Variants in PRKCH observed in about 807,000 individuals in gnomAD.
The protein encoded by PRKCH is protein kinase C eta, also known as protein kinase C eta type.
A neutral mutation model predicts 82.5 loss-of-function variants in PRKCH; 28 were observed. That is an observed-to-expected ratio of 0.34 (90% CI 0.25 to 0.47). The LOEUF (loss-of-function observed/expected upper bound fraction) is 0.47. Among genes scored for constraint, PRKCH ranks in the 20% least tolerant of loss-of-function variants. PRKCH has a pLI of 1.00. For missense variants in PRKCH, 705 were observed against 881.8 expected, an observed-to-expected ratio of 0.80 and a Z score of 2.54; for synonymous variants, 322 against 327.4, an observed-to-expected ratio of 0.98 and a Z score of 0.18.
intron 7 of PRKCH, among the ~76,000 whole-genome samples, chr14:61,454,167 G>A (rs1361339660): frequency 6.6e-6 from 1 of 150,934 alleles, no homozygotes; most frequent in Non-Finnish European, 1.5e-5. Context: ...GGAGTGCAGT[G>A]ATATTCGCTC....
upstream of PRKCH, among the ~76,000 whole-genome samples, chr14:61,317,663 T>C (rs903154997): frequency 3.9e-5 from 6 of 152,176 alleles, no homozygotes. Context: ...ACTTTTTGGT[T>C]GGTTTCCATA....
chr14:61,304,881 A>C (rs1279079459), intron 1 of PRKCH: 1 of 150,450 alleles, frequency 6.6e-6, no homozygotes. Context: ...GCATCATTCC[A>C]TTTCTTTTGG....
intron 12 of PRKCH, among the ~76,000 whole-genome samples, chr14:61,541,700 A>G (rs572587372): frequency 6.6e-6 from 1 of 152,254 alleles, no homozygotes; most frequent in Non-Finnish European, 1.5e-5. Context: ...TCCTCTTCCT[A>G]TGAAATCAGA....
chr14:61,251,615 C>T lies in PRKCH; in HGVS notation c.-19+63947C>T, dbSNP rs140788332. 9.3e-3 allele frequency among the ~76,000 whole-genome samples: 1,411 copies of T among 152,302 alleles called. 83 individuals carry two copies. The highest frequency in any genetic ancestry group is 0.087 in the Admixed American group (1,334 of 15,294). On this transcript the variant is annotated intron_variant, in intron 1 of 3. Coordinates refer to the PRKCH transcript ENST00000555185. Reference sequence around the variant, plus strand: ...ATCTGTTCATCTGTGGATGGACACTCAGGTTGCTTCCAAATCTTGGCTATT... The same window carrying T: ...ATCTGTTCATCTGTGGATGGACACTTAGGTTGCTTCCAAATCTTGGCTATT...
intron 10 of PRKCH, among the ~76,000 whole-genome samples, chr14:61,515,758 A>G (rs747211592): frequency 2.0e-5 from 3 of 152,194 alleles, no homozygotes; most frequent in South Asian, 4.1e-4. Context: ...AAAAGCTTAC[A>G]GTAGTTATCT....
chr14:61,284,903 C>G (rs1359215257), intron 1 of PRKCH, among the ~76,000 whole-genome samples: 1 of 151,392 alleles, frequency 6.6e-6, no homozygotes, highest in Non-Finnish European at 1.5e-5. Context: ...CACAATTATT[C>G]TAGTTGTCAA....
intron 1 of PRKCH, among the ~76,000 whole-genome samples, chr14:61,253,428 A>G (rs1245051883): frequency 2.6e-5 from 4 of 152,110 alleles, no homozygotes; most frequent in Admixed American, 1.3e-4. Flanking sequence ...TCAGCAGGGG[A>G]CAAAAGCATT....
At chr14:61,457,759 AAGTTG>A in intron 9 of PRKCH, 80 bp downstream of exon 9, 1 of 1,542,928 alleles carries the variant, frequency 6.5e-7, no homozygotes, top group Non-Finnish European at 8.8e-7. Flanking sequence ...AGATTTCATA[AAGTTG>A]AGTATCAGAA....
At chr14:61,457,118 C>T in intron 7 of PRKCH, 58 bp from the exon 8 acceptor site, 1 of 1,584,102 alleles carries the variant, frequency 6.3e-7, no homozygotes, top group Non-Finnish European at 8.6e-7. Context: ...CTTCTTCGTG[C>T]ATGGGTGCTC....
intron 1 of PRKCH, among the ~76,000 whole-genome samples, chr14:61,200,375 A>G (rs187173042): frequency 1.4e-5 from 2 of 146,886 alleles, no homozygotes; most frequent in African/African-American, 5.2e-5. Context: ...GCTACTGTTT[A>G]AGTGAGTGAG....
At chr14:61,310,049 C>A (rs182974059) in intron 1 of PRKCH, among the ~76,000 whole-genome samples, 592 of 152,264 alleles carry the variant, frequency 3.9e-3, no homozygotes, top group Middle Eastern at 6.8e-3. Context: ...CTCCGTGATC[C>A]AATCACTTCT....
At chr14:61,326,626 C>T (rs1353828030) in intron 1 of PRKCH, among the ~76,000 whole-genome samples, 1 of 152,206 alleles carries the variant, frequency 6.6e-6, no homozygotes, top group East Asian at 1.9e-4. Context: ...AACCAATCAG[C>T]GCTTATCCAT....
At position 61,550,344 on chromosome 14, in the gene PRKCH, A is replaced by C. The variant is rs1419371876; in HGVS notation, c.*513A>C. On this transcript the variant is annotated 3_prime_UTR_variant, in exon 14 of 14. Coordinates refer to ENST00000332981, the MANE Select transcript of PRKCH (RefSeq NM_006255.5). ...TTTCCAAATAGAATGATTTACTCTG[A>C]AGAAACAAACAATGGTATCTCTGAA... 3 of 152,424 alleles carry C rather than the reference A, an allele frequency of 2.0e-5. No individual in the cohort carries two copies. The highest frequency in any genetic ancestry group is 4.8e-5 in the African/African-American group (2 of 41,460). 9.4% of individuals were successfully genotyped at this position (152,424 alleles called of 1,614,324 possible).
At position 61,362,569 on chromosome 14, in the gene PRKCH, C is replaced by T. The variant is rs963365401; in HGVS notation, c.364-28656C>T. Among the ~76,000 whole-genome samples, 4 of 152,222 alleles carry T rather than the reference C, an allele frequency of 2.6e-5. No homozygotes were observed. In the East Asian group the frequency reaches 7.7e-4, roughly 29 times the overall value. On this transcript the variant is annotated intron_variant, in intron 1 of 13. Transcript: ENST00000332981. ...TTTTGACTGTTCACATACATTATTA[C>T]ATATTTGTAAAAGTTGAGTTTCATG...
chr14:61,207,913 T>C (rs2044539987), intron 1 of PRKCH, among the ~76,000 whole-genome samples: 1 of 152,186 alleles, frequency 6.6e-6, no homozygotes, highest in South Asian at 2.1e-4. Flanking sequence ...CGAAGGCAGC[T>C]CCAGCCTTTG....
intron 1 of PRKCH, among the ~76,000 whole-genome samples, chr14:61,357,945 T>C (rs2140157337): frequency 6.6e-6 from 1 of 152,332 alleles, no homozygotes; most frequent in African/African-American, 2.4e-5. Flanking sequence ...CACTGCCTGG[T>C]GACCAGATTC....
At chr14:61,533,361 A>T (rs1392816902) in intron 12 of PRKCH, among the ~76,000 whole-genome samples, 2 of 147,606 alleles carry the variant, frequency 1.4e-5, no homozygotes, top group Non-Finnish European at 3.0e-5. Flanking sequence ...TTTACTCTCC[A>T]TGCCTAAAAA....
chr14:61,199,688 A>G (rs534027311), intron 1 of PRKCH, among the ~76,000 whole-genome samples: 1 of 152,204 alleles, frequency 6.6e-6, no homozygotes, highest in South Asian at 2.1e-4. Context: ...ATGTAGGGGA[A>G]CTGACACCAT....
intron 2 of PRKCH, among the ~76,000 whole-genome samples, chr14:61,391,922 C>G (rs1198793389): frequency 1.3e-5 from 2 of 152,158 alleles, no homozygotes; most frequent in Non-Finnish European, 2.9e-5. Context: ...TTTCAATCCC[C>G]TGCTCCCAGA....
Sources: allele counts gnomAD v4.1 joint callset (sites outside exome capture counted in the v4.1 genomes callset), GRCh38; gene constraint gnomAD v4.1.1; transcripts MANE v1.5; gene names NCBI Gene and HGNC (gene_info 2026-07-23, HGNC 2026-07-21).